MAT2B: variants seen among roughly 807,000 people sequenced by gnomAD.
MAT2B encodes the protein methionine adenosyltransferase 2 non-catalytic beta subunit.
A neutral mutation model predicts 36.1 loss-of-function variants in MAT2B; 16 were observed. The observed-to-expected ratio is 0.44, with a 90% CI of 0.30 to 0.67. MAT2B has a LOEUF of 0.67. Ranked by LOEUF, MAT2B falls within the 30% of genes least tolerant of loss-of-function variation. The pLI, the probability that MAT2B is intolerant of heterozygous loss-of-function variation, is 0.09. For synonymous variants in MAT2B, 148 were observed against 136.9 expected (o/e 1.08, Z -0.57); for missense variants, 332 against 398.2 (o/e 0.83, Z 1.42).
In MAT2B at chr5:163,518,221, A is replaced by G. The variant is rs1223558376; in HGVS notation, c.863A>G (p.Gln288Arg). 2 of 1,611,964 alleles carry G rather than the reference A, an allele frequency of 1.2e-6. No individual in the cohort carries two copies. Among genetic ancestry groups the G allele is most frequent in the East Asian group, 4.5e-5 (2 of 44,838 alleles). The part of the protein sequence containing the change: ...PITDSPVLGA[Q>R]RPRNAQLDCS... Reference sequence around the variant, plus strand: ...ACTGACAGCCCTGTCCTAGGAGCACAACGTCCGAGAAATGCTCAGCTTGAC... The same window carrying G: ...ACTGACAGCCCTGTCCTAGGAGCACGACGTCCGAGAAATGCTCAGCTTGAC... Residue 288 changes from glutamine (Q) to arginine (R), a missense_variant, in exon 7 of 7, where the codon CAA becomes CGA. Gln to Arg is a conservative substitution (Grantham distance 43). Coordinates refer to ENST00000321757, the MANE Select transcript of MAT2B (RefSeq NM_013283.5).
At chr5:163,504,678 C>T (rs1485433624), upstream of MAT2B, among the ~76,000 whole-genome samples, 1 of 152,208 alleles carries the variant, frequency 6.6e-6, no homozygotes. Flanking sequence ...TTACTTTCTG[C>T]ATCAATTTCA....
intron 1 of MAT2B, among the ~76,000 whole-genome samples, chr5:163,508,703 C>T (rs191453100): frequency 2.7e-5 from 4 of 149,190 alleles, no homozygotes; most frequent in East Asian, 2.0e-4. Context: ...CTACGACCTC[C>T]GCCTCCTGGG....
intron 4 of MAT2B, among the ~76,000 whole-genome samples, chr5:163,515,909 A>G (rs1215421741): frequency 1.4e-5 from 2 of 145,232 alleles, no homozygotes; most frequent in Non-Finnish European, 3.0e-5. Context: ...TAATTTTTTT[A>G]CATTTTGTAG....
chr5:163,513,653 T>C lies in MAT2B; in HGVS notation c.357T>C (p.Asn119=), dbSNP rs1760084765. 6.2e-6 allele frequency: 10 copies of C among 1,613,000 alleles called. No individual in the cohort carries two copies. The highest frequency in any genetic ancestry group is 7.6e-6 in the Non-Finnish European group (9 of 1,179,218). ...ASQLNVDASG[N]LAKEAAAVGA... Reference sequence around the variant, plus strand: ...AACTTAATGTGGATGCTTCTGGGAATTTAGCAAAGGAAGCAGGTAATGATG... The same window carrying C: ...AACTTAATGTGGATGCTTCTGGGAACTTAGCAAAGGAAGCAGGTAATGATG... Residue 119 remains asparagine, a synonymous_variant, in exon 3 of 7, where the codon AAT becomes AAC. Transcript: ENST00000321757.
intron 4 of MAT2B, among the ~76,000 whole-genome samples, chr5:163,515,545 T>TA (rs1351133940): frequency 1.4e-4 from 21 of 152,292 alleles, no homozygotes; most frequent in Non-Finnish European, 2.6e-4. Context: ...ATTAATATGG[T>TA]ACTGTAATCA....
At chr5:163,504,161 C>T (rs1048184886), upstream of MAT2B, among the ~76,000 whole-genome samples, 3 of 152,104 alleles carry the variant, frequency 2.0e-5, no homozygotes, top group Admixed American at 1.3e-4. Flanking sequence ...AAACTTTAAA[C>T]CGAATTCCCA....
Position 163,516,609 on chromosome 5 carries a change from C to T in MAT2B, c.618C>T (p.Phe206=), listed in dbSNP as rs762775468. ...CTGTTATGTTTGATAAAGTGCAGTT[C>T]AGCAACAAGTCAGCAAACATGGATC... ...AVTVMFDKVQ[F]SNKSANMDHW... The change falls in exon 5 of 7, where the codon TTC becomes TTT. Residue 206 remains phenylalanine, a synonymous_variant. Transcript: ENST00000321757. 6.2e-7 allele frequency: 1 copy of T among 1,614,154 alleles called. No homozygotes were observed. The highest frequency in any genetic ancestry group is 1.1e-5 in the South Asian group (1 of 91,074).
At chr5:163,514,053 C>A in intron 4 of MAT2B, 59 bp downstream of exon 4, 1 of 1,376,386 alleles carries the variant, frequency 7.3e-7, no homozygotes, top group South Asian at 1.4e-5. Context: ...ATCATTTATA[C>A]ATACACATAT....
intron 1 of MAT2B, among the ~76,000 whole-genome samples, chr5:163,507,510 T>A (rs977300047): frequency 6.6e-6 from 1 of 152,212 alleles, no homozygotes; most frequent in African/African-American, 2.4e-5. Flanking sequence ...TAAACTGATA[T>A]TAGATCTACT....
chr5:163,517,010 G>A, intron 5 of MAT2B: 1 of 507,812 alleles, frequency 2.0e-6, no homozygotes, highest in Non-Finnish European at 3.5e-6. Context: ...CTCTTTGGGG[G>A]CTGGGCGTGA....
upstream of MAT2B, among the ~76,000 whole-genome samples, chr5:163,504,700 C>G (rs1759898367): frequency 6.6e-6 from 1 of 152,188 alleles, no homozygotes; most frequent in African/African-American, 2.4e-5. Context: ...AGGCGTCCAG[C>G]CTGGCTGAGG....
At chr5:163,515,990 C>T (rs1398770409) in intron 4 of MAT2B, among the ~76,000 whole-genome samples, 2 of 151,956 alleles carry the variant, frequency 1.3e-5, no homozygotes, top group East Asian at 3.9e-4. Flanking sequence ...CTGCCTTGGA[C>T]TCCCAAGTGC....
intron 1 of MAT2B, among the ~76,000 whole-genome samples, chr5:163,508,844 G>T (rs528613103): frequency 1.3e-5 from 2 of 152,104 alleles, no homozygotes; most frequent in Non-Finnish European, 1.5e-5. Context: ...TAAGAGTGAC[G>T]ATCTGAAGTG....
chr5:163,505,324 T>C (rs1759908501), upstream of MAT2B, among the ~76,000 whole-genome samples: 1 of 152,038 alleles, frequency 6.6e-6, no homozygotes. Context: ...CTCAAGGCGA[T>C]CCACTTCAAT....
At position 163,516,646 on chromosome 5, in the gene MAT2B, A is replaced by T; in HGVS notation, c.655A>T (p.Arg219Trp). ...AGCAAACATGGATCACTGGCAGCAGAGGTTCCCCACACATGTCAAAGATGT... is the reference window on the plus strand; with the variant it reads ...AGCAAACATGGATCACTGGCAGCAGTGGTTCCCCACACATGTCAAAGATGT... Reference protein sequence around the residue: ...KSANMDHWQQRFPTHVKDVAT... With the variant: ...KSANMDHWQQWFPTHVKDVAT... Residue 219 changes from arginine (R) to tryptophan (W), a missense_variant, in exon 5 of 7, where the codon AGG becomes TGG. Arg to Trp is a moderately radical substitution (Grantham distance 101). Transcript: ENST00000321757. The T allele has an allele frequency of 6.2e-7, 1 of 1,614,204 alleles. No homozygotes were observed. The highest frequency in any genetic ancestry group is 8.5e-7 in the Non-Finnish European group (1 of 1,180,044).
upstream of MAT2B, chr5:163,505,402 C>A (rs77725208): frequency 3.4e-4 from 213 of 624,102 alleles, no homozygotes; most frequent in African/African-American, 3.8e-3. Context: ...ATCTCCGAAA[C>A]AAAACCTGAA....
intron 6 of MAT2B, 68 bp downstream of exon 6, chr5:163,517,742 CTTCA>C (rs1760155653): frequency 1.0e-6 from 1 of 963,836 alleles, no homozygotes; most frequent in Non-Finnish European, 1.7e-6. Context: ...TGTTGGGTAA[CTTCA>C]TTTCTCAGTA....
At chr5:163,511,087 T>C (rs946840186) in intron 1 of MAT2B, among the ~76,000 whole-genome samples, 1 of 152,178 alleles carries the variant, frequency 6.6e-6, no homozygotes, top group East Asian at 1.9e-4. Flanking sequence ...AATGTTGTTA[T>C]TTACTATTTA....
Position 163,518,380 on chromosome 5 carries a change from T to C in MAT2B, c.*17T>C, listed in dbSNP as rs1189836459. On this transcript the variant is annotated 3_prime_UTR_variant, in exon 7 of 7. Coordinates refer to ENST00000321757, the MANE Select transcript of MAT2B (RefSeq NM_013283.5). ...TTTCATTAGTTTATTTGTGTTGGGT[T>C]CTTTTTTTTTTTTAAATGAAAAGTA... 6.3e-7 allele frequency: 1 copy of C among 1,576,498 alleles called. No homozygotes were observed. Among genetic ancestry groups the C allele is most frequent in the South Asian group, 1.2e-5 (1 of 84,152 alleles).
Sources: allele counts gnomAD v4.1 joint callset (sites outside exome capture counted in the v4.1 genomes callset), GRCh38; gene constraint gnomAD v4.1.1; transcripts MANE v1.5; gene names NCBI Gene and HGNC (gene_info 2026-07-23, HGNC 2026-07-21).